Variants in ADRA1A observed in about 807,000 individuals in gnomAD.
ADRA1A encodes the protein alpha-1A adrenergic receptor.
Under a neutral mutation model 29.6 loss-of-function variants are expected in ADRA1A, and 31 were observed. The ratio of observed to expected loss-of-function variants is 1.05; its 90% CI spans 0.79 to 1.41. The LOEUF (loss-of-function observed/expected upper bound fraction) is 1.41, where lower values mean the gene tolerates loss of function less well. Ranked by LOEUF, ADRA1A falls within the 40% of genes most tolerant of loss-of-function variation. The probability of loss-of-function intolerance (pLI) is 0.00; values close to 1 mark genes in which losing one functional copy is unlikely to be tolerated. For missense variants in ADRA1A, 619 were observed against 601.1 expected (o/e 1.03, Z -0.31); for synonymous variants, 311 against 254.3 (o/e 1.22, Z -2.12).
At position 26,787,004 on chromosome 8, in the gene ADRA1A, C is replaced by T. The variant is rs73558283; in HGVS notation, c.884-16338G>A. ...TACACAAACATTATCCCATTTAATT[C>T]TCCCAAGAACATGATGTGACTGTAT... On this transcript the variant is annotated intron_variant, in intron 2 of 2. Transcript: ENST00000380573. The surrounding 1 kb of genome is among the most constrained non-coding windows in gnomAD (Gnocchi z 4.2). Among the ~76,000 whole-genome samples the T allele has an allele frequency of 0.022, 3,292 of 152,266 alleles. 102 individuals are homozygous for T. The highest frequency in any genetic ancestry group is 0.065 in the African/African-American group (2,702 of 41,554).
chr8:26,774,699 G>T (rs1806421560), intron 2 of ADRA1A, among the ~76,000 whole-genome samples: 1 of 151,212 alleles, frequency 6.6e-6, no homozygotes, highest in African/African-American at 2.4e-5. Flanking sequence ...CAAAAGAACT[G>T]CTCCTCTCCT....
chr8:26,856,932 A>G (rs887883236), intron 2 of ADRA1A, among the ~76,000 whole-genome samples: 3 of 152,208 alleles, frequency 2.0e-5, no homozygotes, highest in African/African-American at 7.2e-5. Context: ...TTAAAGAGAA[A>G]TGTAATTTGG....
At chr8:26,852,383 A>G (rs1812702630) in intron 2 of ADRA1A, among the ~76,000 whole-genome samples, 1 of 152,178 alleles carries the variant, frequency 6.6e-6, no homozygotes, top group African/African-American at 2.4e-5. Context: ...AGAAATCTCT[A>G]GAGATTACAT....
chr8:26,770,578 G>T lies in ADRA1A; in HGVS notation c.972C>A (p.Ile324=), dbSNP rs373611992. The change falls in exon 3 of 3, where the codon ATC becomes ATA. Residue 324 remains isoleucine, a synonymous_variant. Transcript: ENST00000380573. ...LGYLNSCINP[I]IYPCSSQEFK... is the part of the protein sequence containing the mutation. ...ACTCTTGGCTGGAGCATGGGTATAT[G>T]ATGGGGTTGATGCAGCTGTTTAGAT... 32 of 1,614,210 alleles carry T rather than the reference G, an allele frequency of 2.0e-5. No individual in the cohort carries two copies. The highest frequency in any genetic ancestry group is 1.6e-4 in the Middle Eastern group (1 of 6,062).
At chr8:26,836,827 G>A (rs1402997625) in intron 2 of ADRA1A, among the ~76,000 whole-genome samples, 1 of 152,218 alleles carries the variant, frequency 6.6e-6, no homozygotes, top group Non-Finnish European at 1.5e-5. Flanking sequence ...GTGCTCTTCA[G>A]GAGGGGCCAG....
chr8:26,755,383 T>TA (rs1045192919), downstream of ADRA1A, among the ~76,000 whole-genome samples: 16 of 151,830 alleles, frequency 1.1e-4, no homozygotes, highest in African/African-American at 3.1e-4. Flanking sequence ...TTTCTTGGCT[T>TA]AAAAAAAAGA....
chr8:26,816,241 A>T (rs1809745709), intron 2 of ADRA1A, among the ~76,000 whole-genome samples: 1 of 152,196 alleles, frequency 6.6e-6, no homozygotes, highest in South Asian at 2.1e-4. Context: ...CCTTCAAGGA[A>T]TTGGAGAAAA....
intron 2 of ADRA1A, among the ~76,000 whole-genome samples, chr8:26,785,006 G>A (rs963658735): frequency 6.6e-6 from 1 of 151,958 alleles, no homozygotes; most frequent in Non-Finnish European, 1.5e-5. Context: ...TACTCTTTAG[G>A]GGACATTTAA....
chr8:26,788,050 T>C (rs149120908), intron 2 of ADRA1A, among the ~76,000 whole-genome samples: 2 of 152,158 alleles, frequency 1.3e-5, no homozygotes, highest in Non-Finnish European at 2.9e-5. Flanking sequence ...TCAGCTGCTC[T>C]GAGAATCCCC....
chr8:26,827,716 C>T (rs949311885), intron 2 of ADRA1A, among the ~76,000 whole-genome samples: 4 of 151,786 alleles, frequency 2.6e-5, no homozygotes, highest in Admixed American at 6.6e-5. Context: ...CATAAAGACA[C>T]GAATCCCAAA....
chr8:26,760,935 C>G (rs1186529163), downstream of ADRA1A, among the ~76,000 whole-genome samples: 1 of 152,128 alleles, frequency 6.6e-6, no homozygotes, highest in Non-Finnish European at 1.5e-5. Context: ...TTTCCAGGTC[C>G]CTGGGGACTG....
chr8:26,864,071 G>A lies in ADRA1A; in HGVS notation c.883+16C>T. Reference sequence around the variant, plus strand: ...AAGACCCCCAGATGCTAAAGTGAGGGGTGTTCAAGACTTACCAATGGGCAT... The same window carrying A: ...AAGACCCCCAGATGCTAAAGTGAGGAGTGTTCAAGACTTACCAATGGGCAT... On this transcript the variant is annotated intron_variant, in intron 2 of 2. Transcript: ENST00000380573. This position sits in a 1 kb window ranked among gnomAD's most constrained non-coding sequence, Gnocchi z 8.1. The A allele has an allele frequency of 1.2e-6, 2 of 1,602,084 alleles. No homozygotes were observed. The highest frequency in any genetic ancestry group is 2.2e-5 in the East Asian group (1 of 44,806).
intron 2 of ADRA1A, among the ~76,000 whole-genome samples, chr8:26,800,501 A>G (rs1196015655): frequency 3.3e-5 from 5 of 152,186 alleles, no homozygotes; most frequent in Admixed American, 3.3e-4. Context: ...CCTTGAACCT[A>G]GAAGAAATGG....
Position 26,815,976 on chromosome 8 carries a change from T to A in ADRA1A, c.884-45310A>T, listed in dbSNP as rs1312809186. Reference sequence around the variant, plus strand: ...CCAGGTGCTGCTGGTTGCTTTATCATGAGCCTTGAAAAGTCGCTGGTTCCA... The same window carrying A: ...CCAGGTGCTGCTGGTTGCTTTATCAAGAGCCTTGAAAAGTCGCTGGTTCCA... On this transcript the variant is annotated intron_variant, in intron 2 of 2. Transcript: ENST00000380573. The surrounding 1 kb of genome is among the most constrained non-coding windows in gnomAD (Gnocchi z 4.2). 6.6e-6 allele frequency among the ~76,000 whole-genome samples: 1 copy of A among 152,146 alleles called. No individual in the cohort carries two copies. The highest frequency in any genetic ancestry group is 6.5e-5 in the Admixed American group (1 of 15,274).
chr8:26,800,300 C>T (rs994678534), intron 2 of ADRA1A, among the ~76,000 whole-genome samples: 1 of 151,902 alleles, frequency 6.6e-6, no homozygotes, highest in African/African-American at 2.4e-5. Context: ...AACAATATTA[C>T]ATTAGCATTA....
At chr8:26,778,086 G>A (rs1806681811) in intron 2 of ADRA1A, among the ~76,000 whole-genome samples, 1 of 152,206 alleles carries the variant, frequency 6.6e-6, no homozygotes, top group Non-Finnish European at 1.5e-5. Flanking sequence ...TTTCATCCTG[G>A]ATGAGTCTGA....
rs529992230 is a variant in ADRA1A at position 26,787,298 on chromosome 8, A to G, written c.884-16632T>C. Among the ~76,000 whole-genome samples the G allele has an allele frequency of 7.8e-4, 119 of 152,180 alleles. No individual in the cohort carries two copies. Among genetic ancestry groups the G allele is most frequent in the African/African-American group, 2.8e-3 (116 of 41,422 alleles). ...CACACATTCCATGTCCTATTTTTTCAGAAAGCAGAGACATGTGTAATTCAA... is the reference window on the plus strand; with the variant it reads ...CACACATTCCATGTCCTATTTTTTCGGAAAGCAGAGACATGTGTAATTCAA... On this transcript the variant is annotated intron_variant, in intron 2 of 2. Transcript: ENST00000380573. The surrounding 1 kb of genome is among the most constrained non-coding windows in gnomAD (Gnocchi z 4.2).
chr8:26,817,107 C>G (rs780459534), intron 2 of ADRA1A, among the ~76,000 whole-genome samples: 1 of 152,062 alleles, frequency 6.6e-6, no homozygotes, highest in Non-Finnish European at 1.5e-5. Context: ...AAGCCATATA[C>G]TAGGATAAAA....
chr8:26,861,915 T>C (rs1037641069), intron 2 of ADRA1A, among the ~76,000 whole-genome samples: 2 of 152,140 alleles, frequency 1.3e-5, no homozygotes, highest in Admixed American at 6.5e-5. Flanking sequence ...TAATAGCCTT[T>C]TAACTAGTCT....
Sources: gnomAD v4.1 joint callset for allele counts (sites outside exome capture counted in the v4.1 genomes callset) on GRCh38, gnomAD v4.1.1 for gene constraint, Gnocchi (gnomAD v3.1) non-coding constraint, MANE v1.5 for transcripts, NCBI Gene and HGNC (gene_info 2026-07-23, HGNC 2026-07-21) for gene names.